The following CCDC77 variants were observed in gnomAD, a reference collection of about 807,000 sequenced individuals.
The protein encoded by CCDC77 is coiled-coil domain containing 77, also known as coiled-coil domain-containing protein 77.
A neutral mutation model predicts 66.8 loss-of-function variants in CCDC77; 56 were observed. The ratio of observed to expected loss-of-function variants is 0.84; its 90% CI spans 0.68 to 1.05. The LOEUF is 1.05. CCDC77 is among the 50% of genes least tolerant of loss of function. The pLI is 0.00. For missense variants in CCDC77, 570 were observed against 576.8 expected (o/e 0.99, Z 0.12); for synonymous variants, 196 against 195.2 (o/e 1.00, Z -0.03).
chr12:409,225 GAAAAA>G (rs530689839), intron 2 of CCDC77, 138 bp from the exon 3 acceptor site: 2 of 380,966 alleles, frequency 5.2e-6, no homozygotes, highest in African/African-American at 2.3e-5. Context: ...AAAAAAAAAA[GAAAAA>G]AAAAACTACA....
chr12:398,732 C>G (rs938830396), upstream of CCDC77, among the ~76,000 whole-genome samples: 1 of 150,120 alleles, frequency 6.7e-6, no homozygotes, highest in Non-Finnish European at 1.5e-5. Flanking sequence ...CACAAATGTT[C>G]TTTTTAAAAT....
upstream of CCDC77, among the ~76,000 whole-genome samples, chr12:400,383 C>T (rs746309362): frequency 7.9e-5 from 12 of 152,202 alleles, no homozygotes; most frequent in Non-Finnish European, 1.6e-4. Context: ...TTTGCATGCA[C>T]AACTTGGCTA....
intron 10 of CCDC77, among the ~76,000 whole-genome samples, chr12:440,149 T>G (rs1591996864): frequency 1.3e-5 from 2 of 152,152 alleles, no homozygotes; most frequent in Non-Finnish European, 2.9e-5. Context: ...TCGTATGGAG[T>G]GTGAACTTAG....
chr12:428,263 A>G (rs1283004481), intron 5 of CCDC77, among the ~76,000 whole-genome samples: 1 of 152,150 alleles, frequency 6.6e-6, no homozygotes, highest in East Asian at 1.9e-4. Flanking sequence ...CTGTAATCCC[A>G]GCACTTTGGG....
chr12:436,039 C>G (rs1945742697), intron 9 of CCDC77, among the ~76,000 whole-genome samples: 1 of 151,984 alleles, frequency 6.6e-6, no homozygotes, highest in Non-Finnish European at 1.5e-5. Context: ...TGTGCCCAGC[C>G]TTGCACTCTC....
intron 1 of CCDC77, among the ~76,000 whole-genome samples, chr12:390,820 G>A (rs896673970): frequency 6.6e-6 from 1 of 152,092 alleles, no homozygotes; most frequent in East Asian, 1.9e-4. Context: ...GAGGGTTCAA[G>A]ATGGCCTCAC....
rs776923210 is a variant in CCDC77 at position 440,761 on chromosome 12, C to G, written c.1167+19C>G. The G allele has an allele frequency of 6.2e-7, 1 of 1,613,786 alleles. No homozygotes were observed. Among genetic ancestry groups the G allele is most frequent in the Non-Finnish European group, 8.5e-7 (1 of 1,180,036 alleles). On this transcript the variant is annotated intron_variant, in intron 11 of 12. Transcript: ENST00000239830. ...CTTCAAGGTACGAAATTATCTGCCA[C>G]TTGTAATGGAATAGGAAGTGCAGAT...
intron 10 of CCDC77, among the ~76,000 whole-genome samples, chr12:439,836 G>T (rs1193909350): frequency 1.3e-5 from 2 of 151,848 alleles, no homozygotes; most frequent in Non-Finnish European, 2.9e-5. Context: ...GGGAATAAAA[G>T]AATTACATGA....
chr12:433,164 G>A lies in CCDC77; in HGVS notation c.673-10G>A, dbSNP rs1034432320. ...GGGCTGGATTCCTCACCCCTTTTTG[G>A]CCTGTCTAGGTGGAAGCACTGCAGG... On this transcript the variant is annotated splice_polypyrimidine_tract_variant and intron_variant, in intron 8 of 12. Transcript: ENST00000239830. 6.2e-7 allele frequency: 1 copy of A among 1,600,360 alleles called. No homozygotes were observed. Among genetic ancestry groups the A allele is most frequent in the South Asian group, 1.1e-5 (1 of 89,394 alleles).
intron 5 of CCDC77, among the ~76,000 whole-genome samples, chr12:420,089 CACTTCT>C (rs1945370369): frequency 1.1e-3 from 11 of 9,848 alleles, no homozygotes; most frequent in Non-Finnish European, 1.6e-3. Flanking sequence ...CATTACAGTG[CACTTCT>C]GTGTGTGTGT....
At chr12:401,982 C>T (rs773200451) in intron 1 of CCDC77, among the ~76,000 whole-genome samples, 2 of 152,100 alleles carry the variant, frequency 1.3e-5, no homozygotes, top group Non-Finnish European at 2.9e-5. Context: ...TACTCTAACC[C>T]CACGCTGGTC....
intron 5 of CCDC77, among the ~76,000 whole-genome samples, chr12:423,489 G>GTTTTTTTTTTTT (rs1179236405): frequency 3.1e-5 from 1 of 32,684 alleles, no homozygotes; most frequent in Non-Finnish European, 5.6e-5. Flanking sequence ...GTTTTTTTTT[G>GTTTTTTTTTTTT]TTTTGTTTTT....
At chr12:398,728 T>A (rs2137526533), upstream of CCDC77, among the ~76,000 whole-genome samples, 1 of 151,918 alleles carries the variant, frequency 6.6e-6, no homozygotes, top group East Asian at 1.9e-4. Flanking sequence ...AAGTCACAAA[T>A]GTTCTTTTTA....
At chr12:437,057 T>C (rs987263611) in intron 9 of CCDC77, among the ~76,000 whole-genome samples, 2 of 152,212 alleles carry the variant, frequency 1.3e-5, no homozygotes, top group African/African-American at 4.8e-5. Context: ...CATTTCCTCT[T>C]ATCTGTGCAC....
At chr12:406,648 T>A (rs1053487857) in intron 2 of CCDC77, among the ~76,000 whole-genome samples, 1 of 152,166 alleles carries the variant, frequency 6.6e-6, no homozygotes, top group African/African-American at 2.4e-5. Context: ...GGGATGAGGT[T>A]GAAAATGGAA....
upstream of CCDC77, among the ~76,000 whole-genome samples, chr12:401,395 C>T (rs1226222020): frequency 6.6e-6 from 1 of 152,214 alleles, no homozygotes; most frequent in Non-Finnish European, 1.5e-5. Context: ...GTCACACTAC[C>T]CGTCCCTGGA....
intron 4 of CCDC77, among the ~76,000 whole-genome samples, chr12:416,643 G>T (rs984041306): frequency 1.3e-5 from 2 of 150,682 alleles, no homozygotes; most frequent in Non-Finnish European, 3.0e-5. Flanking sequence ...TGAACTCGTG[G>T]CCTCAAGTGA....
Position 416,342 on chromosome 12 carries a change from GGGGTGTGTGT to G in CCDC77, c.271-2150_271-2141del, listed in dbSNP as rs1281226898. 1.7e-4 allele frequency among the ~76,000 whole-genome samples: 6 copies of G among 34,646 alleles called. 1 individual carries two copies. Among genetic ancestry groups the G allele is most frequent in the African/African-American group, 6.9e-4 (5 of 7,206 alleles). 22.7% of individuals were successfully genotyped at this position (34,646 alleles called of 152,430 possible). A position where few individuals can be genotyped will look rare whatever the true frequency, so the allele number is the denominator to read the frequency against. On this transcript the variant is annotated intron_variant, in intron 4 of 12. Transcript: ENST00000239830. The stretch of plus-strand genomic sequence containing the variant: ...GTGTGTGTGAGTCTGTGGGTGTGTG[GGGGTGTGTGT>G]GTGTGTGTGTGTGTGTGTGTGTGTG...
intron 7 of CCDC77, among the ~76,000 whole-genome samples, chr12:431,147 C>G (rs962978066): frequency 6.7e-6 from 1 of 148,556 alleles, no homozygotes; most frequent in African/African-American, 2.5e-5. Context: ...CATAATGATG[C>G]CTTTGGTGGT....
Sources: allele counts gnomAD v4.1 joint callset (sites outside exome capture counted in the v4.1 genomes callset), GRCh38; gene constraint gnomAD v4.1.1; transcripts MANE v1.5; gene names NCBI Gene and HGNC (gene_info 2026-07-23, HGNC 2026-07-21).